HAPLN1: variants seen among roughly 807,000 people sequenced by gnomAD.
The protein encoded by HAPLN1 is Cartilage link protein.
A neutral mutation model predicts 36.5 loss-of-function variants in HAPLN1; 13 were observed. That is an observed-to-expected ratio of 0.36 (90% CI 0.23 to 0.57). HAPLN1 has a LOEUF of 0.57. Ranked by LOEUF, HAPLN1 falls within the 20% of genes least tolerant of loss-of-function variation. The pLI is 0.83. For missense variants in HAPLN1, 407 were observed against 439.7 expected, an observed-to-expected ratio of 0.93 and a Z score of 0.66; for synonymous variants, 202 against 169.8, an observed-to-expected ratio of 1.19 and a Z score of -1.48.
At chr5:83,697,560 G>T (rs893203185) in intron 1 of HAPLN1, among the ~76,000 whole-genome samples, 18 of 152,020 alleles carry the variant, frequency 1.2e-4, no homozygotes, top group African/African-American at 4.1e-4. Flanking sequence ...TATCTACCAA[G>T]CGATGGAATA....
At chr5:83,669,671 A>T (rs78289606) in intron 2 of HAPLN1, among the ~76,000 whole-genome samples, 3,663 of 152,266 alleles carry the variant, frequency 0.024, 147 homozygotes, top group African/African-American at 0.082. Flanking sequence ...TTTTTTGACC[A>T]GTATTTGTAG....
At chr5:83,643,905 C>A (rs1013748131) in intron 4 of HAPLN1, among the ~76,000 whole-genome samples, 3 of 152,194 alleles carry the variant, frequency 2.0e-5, no homozygotes, top group Admixed American at 6.5e-5. Context: ...GTTCTATTTT[C>A]TTTTTCTTGC....
At chr5:83,720,244 G>A (rs574504240) in intron 1 of HAPLN1, among the ~76,000 whole-genome samples, 1 of 152,142 alleles carries the variant, frequency 6.6e-6, no homozygotes, top group Non-Finnish European at 1.5e-5. Flanking sequence ...ATGATCTTAA[G>A]TTCATAATTA....
intron 4 of HAPLN1, 126 bp downstream of exon 4, chr5:83,644,237 A>G (rs1580116354): frequency 2.6e-6 from 2 of 758,978 alleles, no homozygotes; most frequent in East Asian, 3.2e-5. Flanking sequence ...TTTTTAAACT[A>G]CAGCAAAACT....
chr5:83,705,406 A>AAAAG (rs1561323888), intron 1 of HAPLN1, among the ~76,000 whole-genome samples: 15 of 151,006 alleles, frequency 9.9e-5, no homozygotes, highest in South Asian at 4.2e-4. Context: ...AAAAAAAAAA[A>AAAAG]AAAGAAAGAA....
intron 2 of HAPLN1, among the ~76,000 whole-genome samples, chr5:83,672,374 A>G (rs373041692): frequency 4.6e-5 from 7 of 152,358 alleles, no homozygotes; most frequent in African/African-American, 1.4e-4. Flanking sequence ...CAGCTTGCAG[A>G]GTAAAATGTA....
chr5:83,657,554 G>A (rs1257594561), intron 2 of HAPLN1, among the ~76,000 whole-genome samples: 1 of 152,090 alleles, frequency 6.6e-6, no homozygotes, highest in Non-Finnish European at 1.5e-5. Flanking sequence ...CTCCTCTCTA[G>A]AAAGCCTTTC....
At chr5:83,719,856 G>A (rs972703933) in intron 1 of HAPLN1, among the ~76,000 whole-genome samples, 2 of 152,106 alleles carry the variant, frequency 1.3e-5, no homozygotes, top group African/African-American at 4.8e-5. Flanking sequence ...AGAACTATTA[G>A]CTTCCAAGAA....
At chr5:83,661,435 CTTTTTTTTTTTTT>C (rs56005008) in intron 2 of HAPLN1, among the ~76,000 whole-genome samples, 3 of 62,958 alleles carry the variant, frequency 4.8e-5, no homozygotes, top group African/African-American at 1.3e-4. Context: ...AGAAAAGCTT[CTTTTTTTTTTTTT>C]TTTTTTTTTT....
chr5:83,669,134 T>A (rs1251537274), intron 2 of HAPLN1, among the ~76,000 whole-genome samples: 2 of 152,136 alleles, frequency 1.3e-5, no homozygotes, highest in Non-Finnish European at 2.9e-5. Flanking sequence ...GTAAATACAT[T>A]AAGGGAAAAT....
chr5:83,664,581 C>T (rs764137279), intron 2 of HAPLN1, among the ~76,000 whole-genome samples: 9 of 152,080 alleles, frequency 5.9e-5, no homozygotes, highest in Non-Finnish European at 1.5e-5. Context: ...CAGGGTTTCA[C>T]CATGTTGGCC....
chr5:83,668,336 G>A (rs1750610524), intron 2 of HAPLN1, among the ~76,000 whole-genome samples: 1 of 152,190 alleles, frequency 6.6e-6, no homozygotes, highest in Non-Finnish European at 1.5e-5. Flanking sequence ...CATTAAAAAG[G>A]TGAGAAATAA....
At chr5:83,696,492 C>T (rs1368786115) in intron 1 of HAPLN1, among the ~76,000 whole-genome samples, 3 of 152,006 alleles carry the variant, frequency 2.0e-5, no homozygotes, top group African/African-American at 4.8e-5. Flanking sequence ...GTTGAAAGCA[C>T]AAAGAGTTGT....
At chr5:83,700,478 T>A (rs1751482863) in intron 1 of HAPLN1, among the ~76,000 whole-genome samples, 1 of 152,084 alleles carries the variant, frequency 6.6e-6, no homozygotes, top group Non-Finnish European at 1.5e-5. Context: ...GACACTGTCA[T>A]CTGGTGCAGG....
chr5:83,664,662 T>C (rs1047095133), intron 2 of HAPLN1, among the ~76,000 whole-genome samples: 1 of 152,182 alleles, frequency 6.6e-6, no homozygotes, highest in Non-Finnish European at 1.5e-5. Flanking sequence ...GGATTATAGA[T>C]GTGAGCCACT....
intron 3 of HAPLN1, among the ~76,000 whole-genome samples, chr5:83,649,041 C>G (rs1749969345): frequency 6.6e-6 from 1 of 152,146 alleles, no homozygotes; most frequent in Non-Finnish European, 1.5e-5. Context: ...CAATCCTCAT[C>G]TTACTCTGAA....
rs1170016843 is a variant in HAPLN1 at position 83,639,250 on chromosome 5, G to A, written c.*2246C>T. The A allele has an allele frequency of 6.6e-6, 1 of 152,012 alleles. No homozygotes were observed. Among genetic ancestry groups the A allele is most frequent in the African/African-American group, 2.4e-5 (1 of 41,424 alleles). The allele number at this position is 152,012 out of a possible 1,614,324, so 9.4% of individuals were successfully genotyped here. On this transcript the variant is annotated 3_prime_UTR_variant, in exon 5 of 5. Coordinates refer to ENST00000274341, the MANE Select transcript of HAPLN1 (RefSeq NM_001884.4). ...GAGCAAAATGAGAAGAAAAAATTCT[G>A]CTCAGCAGTATTCACTGTGTTAAGA... is the stretch of plus-strand genomic sequence containing the variant.
At position 83,707,110 on chromosome 5, in the gene HAPLN1, T is replaced by C. The variant is rs1206475343; in HGVS notation, c.-27+13679A>G. 4.6e-5 allele frequency among the ~76,000 whole-genome samples: 7 copies of C among 152,282 alleles called. No homozygotes were observed. The South Asian group carries it at 1.4e-3, about 32-fold the overall frequency. On this transcript the variant is annotated intron_variant, in intron 1 of 4. Transcript: ENST00000274341. ...AACAAATGGAAAAATATCCTTCACA[T>C]GCTTATGGATAGGAAGAATCCATAT...
At chr5:83,707,891 A>G (rs1751687351) in intron 1 of HAPLN1, among the ~76,000 whole-genome samples, 1 of 152,256 alleles carries the variant, frequency 6.6e-6, no homozygotes, top group Non-Finnish European at 1.5e-5. Flanking sequence ...ATCCCATTTA[A>G]AAGTGGGCAA....
Sources: allele counts gnomAD v4.1 joint callset (sites outside exome capture counted in the v4.1 genomes callset), GRCh38; gene constraint gnomAD v4.1.1; transcripts MANE v1.5; gene names NCBI Gene and HGNC (gene_info 2026-07-23, HGNC 2026-07-21).